TRAPPC6A: variants seen among roughly 807,000 people sequenced by gnomAD.
The protein encoded by TRAPPC6A is TRAPP complex subunit 6A.
Under a neutral mutation model 20.8 loss-of-function variants are expected in TRAPPC6A, and 25 were observed. The ratio of observed to expected loss-of-function variants is 1.20; its 90% confidence interval spans 0.88 to 1.68. The LOEUF is 1.68. TRAPPC6A is among the 40% of genes most tolerant of loss of function. The probability of loss-of-function intolerance (pLI) is 0.00; values close to 1 mark genes in which losing one functional copy is unlikely to be tolerated. For synonymous variants in TRAPPC6A, 96 were observed against 93.3 expected (o/e 1.03, Z -0.16); for missense variants, 215 against 211.6 (o/e 1.02, Z -0.10).
At chr19:45,164,778 C>T (rs1969108774) in intron 3 of TRAPPC6A, 75 bp downstream of exon 3, 16 of 1,417,048 alleles carry the variant, frequency 1.1e-5, no homozygotes, top group Non-Finnish European at 1.3e-5. Context: ...TGCTCTGGCG[C>T]CGGGGGATTC....
At position 45,164,254 on chromosome 19, in the gene TRAPPC6A, GAGA is replaced by G. The variant is rs1568462154; in HGVS notation, c.271-10_271-8del. 4 of 1,591,888 alleles carry G rather than the reference GAGA, an allele frequency of 2.5e-6. No homozygotes were observed. The African/African-American group carries it at 5.4e-5, about 21-fold the overall frequency. ...CTTGCAGGACGTAGGTCCCCTGGGGGAGAGGAGAGGCTGGTGGGTGGGGTCGGG... is the reference window on the plus strand; with the variant it reads ...CTTGCAGGACGTAGGTCCCCTGGGGGGGAGAGGCTGGTGGGTGGGGTCGGG... On this transcript the variant is annotated splice_region_variant and splice_polypyrimidine_tract_variant and intron_variant, in intron 3 of 5. Transcript: ENST00000585934.
rs1334095668 is a variant in TRAPPC6A, at chr19:45,172,209, A to C, written c.84+5926T>G. Among the ~76,000 whole-genome samples the C allele has an allele frequency of 2.0e-5, 3 of 151,644 alleles. No homozygotes were observed. The highest frequency in any genetic ancestry group is 2.9e-5 in the Non-Finnish European group (2 of 67,968). On this transcript the variant is annotated intron_variant, in intron 1 of 5. Coordinates refer to ENST00000585934, the MANE Select transcript of TRAPPC6A (RefSeq NM_001270891.2). The surrounding 1 kb of genome is among the most constrained non-coding windows in gnomAD (Gnocchi z 4.2). ...CTGGGCACCTGTGCTGTGGGGACAG[A>C]GATGAAGGAGCCACCATCCCTGTCC...
intron 1 of TRAPPC6A, among the ~76,000 whole-genome samples, chr19:45,174,156 AG>A (rs1269282822): frequency 1.3e-5 from 2 of 152,316 alleles, no homozygotes; most frequent in African/African-American, 4.8e-5. Flanking sequence ...CTTGAGAGCA[AG>A]GAACTCCGTC....
chr19:45,175,232 G>C (rs1478330783), intron 1 of TRAPPC6A, among the ~76,000 whole-genome samples: 1 of 146,998 alleles, frequency 6.8e-6, no homozygotes, highest in Non-Finnish European at 1.5e-5. Context: ...CTGCACTCCA[G>C]CCTGGGGGAC....
intron 1 of TRAPPC6A, among the ~76,000 whole-genome samples, chr19:45,175,260 CAAAAAAAAAA>C (rs35729001): frequency 9.7e-6 from 1 of 103,326 alleles, no homozygotes; most frequent in African/African-American, 3.9e-5. Flanking sequence ...GACTCTGTCT[CAAAAAAAAAA>C]AAAAAAATTA....
chr19:45,178,188 G>A lies in TRAPPC6A; in HGVS notation c.31C>T (p.His11Tyr), dbSNP rs763037966. Residue 11 changes from histidine to tyrosine, a missense_variant, in exon 1 of 6, where the codon CAC (histidine) becomes TAC (tyrosine). His to Tyr is a moderately conservative substitution (Grantham distance 83). Transcript: ENST00000585934. Reference sequence around the variant, plus strand: ...CACAGCTCAGCCACCATCTCCGTGTGAAGAAACTCAAACAACACAGTATCC... The same window carrying A: ...CACAGCTCAGCCACCATCTCCGTGTAAAGAAACTCAAACAACACAGTATCC... MADTVLFEFL[H>Y]TEMVAELWAH... is the part of the protein sequence containing the mutation. 3.1e-6 allele frequency: 5 copies of A among 1,611,370 alleles called. No individual in the cohort carries two copies. The Admixed American group carries it at 5.0e-5, about 16-fold the overall frequency.
Position 45,163,900 on chromosome 19 carries a change from A to G in TRAPPC6A, c.448+16T>C. 2 of 1,355,728 alleles carry G rather than the reference A, an allele frequency of 1.5e-6. No individual in the cohort carries two copies. Among genetic ancestry groups the G allele is most frequent in the Non-Finnish European group, 2.1e-6 (2 of 971,700 alleles). The allele number at this position is 1,355,728 out of a possible 1,614,324, so 84.0% of individuals were successfully genotyped here. On this transcript the variant is annotated intron_variant, in intron 5 of 5. Transcript: ENST00000585934. This position sits in a 1 kb window ranked among gnomAD's most constrained non-coding sequence, Gnocchi z 5.3. Reference sequence around the variant, plus strand: ...CTCAAGGGATGAGAAGAATCCCCCCACCCCCCATGACTCACAGACGGGCAG... The same window carrying G: ...CTCAAGGGATGAGAAGAATCCCCCCGCCCCCCATGACTCACAGACGGGCAG...
intron 1 of TRAPPC6A, among the ~76,000 whole-genome samples, chr19:45,177,199 A>G (rs920001021): frequency 3.4e-5 from 5 of 148,886 alleles, no homozygotes; most frequent in East Asian, 2.1e-4. Context: ...GCGCACACAC[A>G]CACACACACA....
intron 1 of TRAPPC6A, among the ~76,000 whole-genome samples, chr19:45,168,140 C>CAA (rs1335004024): frequency 6.6e-6 from 1 of 151,444 alleles, no homozygotes; most frequent in Non-Finnish European, 1.5e-5. Context: ...GTAGCTGGCA[C>CAA]TATAGGCACC....
At chr19:45,174,162 TC>T (rs2122855399) in intron 1 of TRAPPC6A, among the ~76,000 whole-genome samples, 1 of 152,270 alleles carries the variant, frequency 6.6e-6, no homozygotes, top group South Asian at 2.1e-4. Context: ...AGCAAGGAAC[TC>T]CGTCCATCAA....
intron 1 of TRAPPC6A, among the ~76,000 whole-genome samples, chr19:45,177,227 G>A (rs1271589772): frequency 6.8e-6 from 1 of 147,194 alleles, no homozygotes; most frequent in Non-Finnish European, 1.5e-5. Context: ...ACAGTCCCGG[G>A]CCAGTCACGG....
At chr19:45,174,516 C>A (rs1411340004) in intron 1 of TRAPPC6A, among the ~76,000 whole-genome samples, 1 of 152,006 alleles carries the variant, frequency 6.6e-6, no homozygotes, top group Non-Finnish European at 1.5e-5. Context: ...AAGGATCATA[C>A]AGATACACAA....
At chr19:45,171,639 A>G (rs2122848078) in intron 1 of TRAPPC6A, among the ~76,000 whole-genome samples, 1 of 152,364 alleles carries the variant, frequency 6.6e-6, no homozygotes, top group East Asian at 1.9e-4. Flanking sequence ...AACACCTCCC[A>G]GAAGAAAAAC....
chr19:45,168,713 C>A (rs755055270), intron 1 of TRAPPC6A, among the ~76,000 whole-genome samples: 5 of 152,216 alleles, frequency 3.3e-5, no homozygotes, highest in Non-Finnish European at 7.3e-5. Context: ...ACCTTTCCAG[C>A]CTCACAGAAG....
intron 1 of TRAPPC6A, among the ~76,000 whole-genome samples, chr19:45,168,166 C>T (rs1194278186): frequency 6.6e-6 from 1 of 152,012 alleles, no homozygotes; most frequent in African/African-American, 2.4e-5. Context: ...CCACGCCCAG[C>T]TAATTTTTTT....
In TRAPPC6A at chr19:45,164,901, C is replaced by A. The variant is rs181945242; in HGVS notation, c.222G>T (p.Trp74Cys). The A allele has an allele frequency of 1.6e-5, 26 of 1,614,144 alleles. No individual in the cohort carries two copies. The African/African-American group carries it at 3.2e-4, about 20-fold the overall frequency. The change falls in exon 3 of 6, where the codon TGG becomes TGT. Residue 74 changes from tryptophan to cysteine, a missense_variant. Transcript: ENST00000585934. ...CCATCTGCTTCTGGAACACCGCCAC[C>A]CACAGGTCTTTGCACAAGAACTTGA... Reference protein sequence around the residue: ...DVLKFLCKDLWVAVFQKQMDS... With the variant: ...DVLKFLCKDLCVAVFQKQMDS...
chr19:45,165,355 G>A (rs1256309378), intron 1 of TRAPPC6A, among the ~76,000 whole-genome samples, 161 bp from the exon 2 acceptor site: 3 of 152,188 alleles, frequency 2.0e-5, no homozygotes, highest in Admixed American at 6.5e-5. Flanking sequence ...CAGGGCAGGG[G>A]CAGGCCTCTA....
intron 1 of TRAPPC6A, among the ~76,000 whole-genome samples, chr19:45,176,333 A>AG (rs1023730498): frequency 6.6e-6 from 1 of 151,380 alleles, no homozygotes; most frequent in African/African-American, 2.4e-5. Flanking sequence ...GTGTGGTGGC[A>AG]GGCACCTGTA....
chr19:45,176,204 C>T (rs1268468592), intron 1 of TRAPPC6A, among the ~76,000 whole-genome samples: 2 of 152,062 alleles, frequency 1.3e-5, no homozygotes, highest in African/African-American at 4.8e-5. Flanking sequence ...CACCTGTAAT[C>T]CCAGCACTTT....
Sources: allele counts gnomAD v4.1 joint callset (sites outside exome capture counted in the v4.1 genomes callset), GRCh38; gene constraint gnomAD v4.1.1; non-coding constraint Gnocchi (gnomAD v3.1); transcripts MANE v1.5; gene names NCBI Gene and HGNC (gene_info 2026-07-23, HGNC 2026-07-21).